ENPP3: variants seen among roughly 807,000 people sequenced by gnomAD.
ENPP3 encodes ectonucleotide pyrophosphatase/phosphodiesterase family member 3.
A neutral mutation model predicts 117.8 loss-of-function variants in ENPP3; 104 were observed. The ratio of observed to expected loss-of-function variants is 0.88; its 90% CI spans 0.75 to 1.04. ENPP3 has a LOEUF of 1.04. Ranked by LOEUF, ENPP3 falls within the 50% of genes least tolerant of loss-of-function variation. The pLI is 0.00. For missense variants in ENPP3, 1,026 were observed against 1,051.9 expected, an observed-to-expected ratio of 0.98 and a Z score of 0.34; for synonymous variants, 380 against 349.9, an observed-to-expected ratio of 1.09 and a Z score of -0.96.
At position 131,641,436 on chromosome 6, in the gene ENPP3, T is replaced by C; in HGVS notation, c.79-19T>C. ...TTTTTTAAAAAATTATAAAAGTTAC[T>C]TTTTCCTTTTTGCAATAGGTTCTTC... On this transcript the variant is annotated intron_variant, in intron 1 of 24. Coordinates refer to ENST00000357639, the MANE Select transcript of ENPP3 (RefSeq NM_005021.5). 2 of 1,575,402 alleles carry C rather than the reference T, an allele frequency of 1.3e-6. No individual in the cohort carries two copies. Among genetic ancestry groups the C allele is most frequent in the African/African-American group, 2.7e-5 (2 of 74,144 alleles).
chr6:131,673,776 A>G (rs1252751838), intron 7 of ENPP3, among the ~76,000 whole-genome samples: 1 of 152,160 alleles, frequency 6.6e-6, no homozygotes, highest in Non-Finnish European at 1.5e-5. Context: ...CTGAACATGT[A>G]CAGACTTTTT....
intron 20 of ENPP3, among the ~76,000 whole-genome samples, chr6:131,729,365 C>A (rs1780225776): frequency 6.6e-6 from 1 of 152,174 alleles, no homozygotes; most frequent in African/African-American, 2.4e-5. Context: ...CTTGTACATT[C>A]AGCCTACAGG....
intron 23 of ENPP3, among the ~76,000 whole-genome samples, chr6:131,739,593 CTTTTTTTTTTT>C (rs71270397): frequency 2.3e-5 from 2 of 87,462 alleles, no homozygotes; most frequent in African/African-American, 4.4e-5. Context: ...TCATGCTCTG[CTTTTTTTTTTT>C]TTTTTTTTTT....
At chr6:131,745,585 T>G (rs1188617134) in intron 24 of ENPP3, among the ~76,000 whole-genome samples, 1 of 152,136 alleles carries the variant, frequency 6.6e-6, no homozygotes, top group Non-Finnish European at 1.5e-5. Context: ...TTCTAAATTA[T>G]TGAACTAACT....
chr6:131,737,950 A>G, intron 22 of ENPP3, 81 bp from the exon 23 acceptor site: 1 of 975,694 alleles, frequency 1.0e-6, no homozygotes. Flanking sequence ...CATGTTATTT[A>G]AATGTACTTG....
intron 6 of ENPP3, among the ~76,000 whole-genome samples, chr6:131,669,538 G>T (rs1415100475): frequency 6.6e-6 from 1 of 151,478 alleles, no homozygotes; most frequent in Non-Finnish European, 1.5e-5. Context: ...CCTGGGCGTG[G>T]TGGCAGGCAC....
At chr6:131,688,469 A>C (rs983756779) in intron 14 of ENPP3, among the ~76,000 whole-genome samples, 25 of 152,256 alleles carry the variant, frequency 1.6e-4, no homozygotes, top group African/African-American at 6.0e-4. Flanking sequence ...CTGTTGCATC[A>C]AACAGTTAGC....
rs201880019 is a variant in ENPP3, at chr6:131,652,545, G to A, written c.281G>A (p.Arg94Gln). 4.3e-5 allele frequency: 69 copies of A among 1,613,790 alleles called. No homozygotes were observed. In the Admixed American group the frequency reaches 9.3e-4, roughly 22 times the overall value. ...DFEDTCVEST[R>Q]IWMCNKFRCG... is the part of the protein sequence containing the mutation. ...ACTGAATTGTATCGTTTTACAGCTC[G>A]AATATGGATGTGCAATAAATTTCGT... Residue 94 changes from arginine to glutamine, a missense_variant, in exon 4 of 25, where the codon CGA becomes CAA. Physicochemically the swap from Arg to Gln is conservative, Grantham distance 43. Coordinates refer to ENST00000357639, the MANE Select transcript of ENPP3 (RefSeq NM_005021.5).
intron 13 of ENPP3, 120 bp from the exon 14 acceptor site, chr6:131,685,756 A>G: frequency 1.5e-6 from 1 of 663,256 alleles, no homozygotes; most frequent in Non-Finnish European, 2.7e-6. Context: ...TTTTAATATA[A>G]TTTTACCAGA....
At chr6:131,671,222 TA>T in intron 6 of ENPP3, 25 bp from the exon 7 acceptor site, 1 of 1,348,332 alleles carries the variant, frequency 7.4e-7, no homozygotes, top group Non-Finnish European at 1.1e-6. Flanking sequence ...AACAACTTCC[TA>T]ATTTCTCACC....
chr6:131,683,359 C>T (rs955274344), intron 12 of ENPP3, among the ~76,000 whole-genome samples, 197 bp downstream of exon 12: 25 of 152,214 alleles, frequency 1.6e-4, no homozygotes, highest in African/African-American at 5.8e-4. Flanking sequence ...TTCTGATACC[C>T]CTGAAAACCT....
At chr6:131,696,005 G>A (rs1779396725) in intron 15 of ENPP3, among the ~76,000 whole-genome samples, 1 of 152,014 alleles carries the variant, frequency 6.6e-6, no homozygotes, top group African/African-American at 2.4e-5. Flanking sequence ...ATTTTCTAGT[G>A]AAAGTACATC....
At chr6:131,692,710 T>C (rs1333930219) in intron 14 of ENPP3, among the ~76,000 whole-genome samples, 1 of 146,528 alleles carries the variant, frequency 6.8e-6, no homozygotes, top group Non-Finnish European at 1.5e-5. Flanking sequence ...TATATAACCA[T>C]ATATAGTATA....
At chr6:131,700,332 G>A in intron 15 of ENPP3, 1 of 330,480 alleles carries the variant, frequency 3.0e-6, no homozygotes. Flanking sequence ...GCAGGAGATA[G>A]CTCCATTTTA....
chr6:131,726,005 A>G, intron 19 of ENPP3, 41 bp from the exon 20 acceptor site: 1 of 1,447,112 alleles, frequency 6.9e-7, no homozygotes, highest in South Asian at 1.2e-5. Context: ...AGCATTTGCT[A>G]ATTTCATGAA....
rs1779775701 is a variant in ENPP3 at position 131,711,021 on chromosome 6, G to A, written c.1413-7651G>A. 6 of 1,593,518 alleles carry A rather than the reference G, an allele frequency of 3.8e-6. No homozygotes were observed. In the South Asian group the frequency reaches 4.5e-5, roughly 12 times the overall value. ...GGGTAGCACCAGGCTCCTCCATAGCGTCGAGGCTGCTCTGGCGGTCACCGC... is the reference window on the plus strand; with the variant it reads ...GGGTAGCACCAGGCTCCTCCATAGCATCGAGGCTGCTCTGGCGGTCACCGC... On this transcript the variant is annotated intron_variant, in intron 15 of 24. Transcript: ENST00000357639.
chr6:131,643,925 G>A (rs2114292112), intron 2 of ENPP3, among the ~76,000 whole-genome samples: 1 of 139,712 alleles, frequency 7.2e-6, no homozygotes, highest in South Asian at 2.3e-4. Flanking sequence ...AGGGTCGTCT[G>A]TGTGTGTGTG....
intron 14 of ENPP3, among the ~76,000 whole-genome samples, chr6:131,688,026 T>A (rs1447962190): frequency 6.6e-6 from 1 of 152,192 alleles, no homozygotes; most frequent in Non-Finnish European, 1.5e-5. Context: ...CCAGTGCTAT[T>A]TTTTCAACAG....
At chr6:131,647,062 C>T (rs890496478) in intron 2 of ENPP3, among the ~76,000 whole-genome samples, 2 of 148,064 alleles carry the variant, frequency 1.4e-5, no homozygotes, top group East Asian at 2.0e-4. Context: ...TTTGTAGAGA[C>T]GGGGTTTCGC....
Sources: gnomAD v4.1 joint callset for allele counts (sites outside exome capture counted in the v4.1 genomes callset) on GRCh38, gnomAD v4.1.1 for gene constraint, MANE v1.5 for transcripts, NCBI Gene and HGNC (gene_info 2026-07-23, HGNC 2026-07-21) for gene names.